The following SLC12A5 variants were observed in gnomAD, a reference collection of about 807,000 sequenced individuals.
The protein encoded by SLC12A5 is solute carrier family 12 member 5.
A neutral mutation model predicts 124.0 loss-of-function variants in SLC12A5; 18 were observed. The observed-to-expected ratio is 0.15, with a 90% CI of 0.10 to 0.22. The LOEUF (loss-of-function observed/expected upper bound fraction) is 0.22, where lower values mean the gene tolerates loss of function less well. SLC12A5 is among the 10% of genes least tolerant of loss of function. The pLI is 1.00. For synonymous variants in SLC12A5, 589 were observed against 568.0 expected (o/e 1.04, Z -0.53); for missense variants, 867 against 1,478.7 (o/e 0.59, Z 6.78).
chr20:46,030,521 A>T (rs1182197648), intron 1 of SLC12A5, among the ~76,000 whole-genome samples: 1 of 21,452 alleles, frequency 4.7e-5, no homozygotes, highest in Non-Finnish European at 9.2e-5. Flanking sequence ...AGCCACCCCC[A>T]CCCCCCACTC....
chr20:46,028,195 A>G (rs899908304), upstream of SLC12A5, among the ~76,000 whole-genome samples: 2 of 152,146 alleles, frequency 1.3e-5, no homozygotes. Flanking sequence ...AAGCCTCAGA[A>G]AGCAATCCTG....
chr20:46,057,111 G>T lies in SLC12A5; in HGVS notation c.3126-59G>T. The T allele has an allele frequency of 6.2e-7, 1 of 1,608,690 alleles. No individual in the cohort carries two copies. On this transcript the variant is annotated intron_variant, in intron 24 of 25. Coordinates refer to ENST00000243964, the MANE Select transcript of SLC12A5 (RefSeq NM_020708.5). This position sits in a 1 kb window ranked among gnomAD's most constrained non-coding sequence, Gnocchi z 7.1. ...CCAGTTCGGGCTGGAAGGGCGACTG[G>T]CTCCAATCTTCTCTACCCCCCCGGC... is the stretch of plus-strand genomic sequence containing the variant.
chr20:46,033,849 T>C (rs1470229588), intron 1 of SLC12A5, among the ~76,000 whole-genome samples: 2 of 152,214 alleles, frequency 1.3e-5, no homozygotes, highest in African/African-American at 2.4e-5. Flanking sequence ...AGGCACATCA[T>C]CAGCCCTTAC....
upstream of SLC12A5, among the ~76,000 whole-genome samples, chr20:46,024,803 G>C (rs2084383137): frequency 6.6e-6 from 1 of 152,248 alleles, no homozygotes; most frequent in Non-Finnish European, 1.5e-5. Context: ...ATGGGAGATT[G>C]ATGGTGACTT....
At chr20:46,047,039 C>A (rs1004237480) in intron 14 of SLC12A5, among the ~76,000 whole-genome samples, 1 of 152,234 alleles carries the variant, frequency 6.6e-6, no homozygotes, top group Non-Finnish European at 1.5e-5. Flanking sequence ...GGTCCCCCAG[C>A]AAGACTGTGA....
chr20:46,045,232 T>C lies in SLC12A5; in HGVS notation c.1569+92T>C. The stretch of plus-strand genomic sequence containing the variant: ...CAGTGACCCAGGGCCATAACCAGCC[T>C]TAGACTACCTCCTGGGCCACTTCTG... On this transcript the variant is annotated intron_variant, in intron 12 of 25. Coordinates refer to ENST00000243964, the MANE Select transcript of SLC12A5 (RefSeq NM_020708.5). The surrounding 1 kb of genome is among the most constrained non-coding windows in gnomAD (Gnocchi z 4.9). 7.1e-7 allele frequency: 1 copy of C among 1,405,394 alleles called. No homozygotes were observed. Among genetic ancestry groups the C allele is most frequent in the Non-Finnish European group, 9.5e-7 (1 of 1,056,544 alleles). 87.1% of individuals were successfully genotyped at this position (1,405,394 alleles called of 1,614,324 possible).
chr20:46,031,919 T>A (rs1382269978), intron 1 of SLC12A5, among the ~76,000 whole-genome samples: 1 of 152,220 alleles, frequency 6.6e-6, no homozygotes, highest in Non-Finnish European at 1.5e-5. Flanking sequence ...TCTGGTCCTT[T>A]GAGAACTCGG....
intron 1 of SLC12A5, 29 bp downstream of exon 1, chr20:46,029,425 A>T: frequency 1.4e-6 from 2 of 1,449,782 alleles, no homozygotes; most frequent in Non-Finnish European, 1.9e-6. Flanking sequence ...GCGGCGGGGG[A>T]GGGGGCAGCG....
At chr20:46,037,140 A>G (rs1170801701) in intron 5 of SLC12A5, 115 bp from the exon 6 acceptor site, 14 of 1,437,724 alleles carry the variant, frequency 9.7e-6, no homozygotes. Flanking sequence ...GCTGCAGCCC[A>G]TAAGCCTGTG....
rs528082316 is a variant in SLC12A5 at position 46,057,005 on chromosome 20, C to T, written c.3125+94C>T. The T allele has an allele frequency of 2.5e-6, 4 of 1,595,934 alleles. No individual in the cohort carries two copies. The South Asian group carries it at 3.3e-5, about 13-fold the overall frequency. ...TGTGAACCCCTAATTGGTGCCACGA[C>T]CTCTGGGATCTCTGAATAGCCTAGC... On this transcript the variant is annotated intron_variant, in intron 24 of 25. Coordinates refer to ENST00000243964, the MANE Select transcript of SLC12A5 (RefSeq NM_020708.5). The surrounding 1 kb of genome is among the most constrained non-coding windows in gnomAD (Gnocchi z 7.1).
Position 46,039,874 on chromosome 20 carries a change from G to A in SLC12A5, c.613-499G>A, listed in dbSNP as rs2084531120. 1.3e-5 allele frequency among the ~76,000 whole-genome samples: 2 copies of A among 151,948 alleles called. 1 individual carries two copies. The highest frequency in any genetic ancestry group is 4.8e-5 in the African/African-American group (2 of 41,392). On this transcript the variant is annotated intron_variant, in intron 6 of 25. Coordinates refer to ENST00000243964, the MANE Select transcript of SLC12A5 (RefSeq NM_020708.5). ...TTTTAATAGCTCCATAGTCTGTGGG[G>A]ATATCATGATTTATTCACCCAACCT...
At position 46,045,742 on chromosome 20, in the gene SLC12A5, G is replaced by A. The variant is rs995921423; in HGVS notation, c.1570-136G>A. 3.0e-6 allele frequency: 2 copies of A among 675,972 alleles called. No individual in the cohort carries two copies. The highest frequency in any genetic ancestry group is 5.1e-6 in the Non-Finnish European group (2 of 395,984). 41.9% of individuals were successfully genotyped at this position (675,972 alleles called of 1,614,324 possible). On this transcript the variant is annotated intron_variant, in intron 12 of 25. Transcript: ENST00000243964. This position sits in a 1 kb window ranked among gnomAD's most constrained non-coding sequence, Gnocchi z 4.9. ...GTTATCCATTTGCATTCTCCTGGAG[G>A]AAGAGAAATGCATCCTCTCCCTTCC...
intron 17 of SLC12A5, among the ~76,000 whole-genome samples, chr20:46,050,583 C>T (rs752997467): frequency 6.6e-5 from 10 of 152,164 alleles, no homozygotes; most frequent in South Asian, 2.1e-4. Flanking sequence ...TTGCGACAGT[C>T]GCTGCTTCTG....
chr20:46,021,864 C>T (rs2084357973), exon 1 of SLC12A5: 1 of 1,530,820 alleles, frequency 6.5e-7, no homozygotes. Flanking sequence ...ACCCCCGCCA[C>T]CTCCCGGGGG....
intron 20 of SLC12A5, 34 bp from the exon 21 acceptor site, chr20:46,054,882 C>A: frequency 6.5e-7 from 1 of 1,537,664 alleles, no homozygotes; most frequent in Non-Finnish European, 9.0e-7. Flanking sequence ...GTTCCTCTCC[C>A]CACCCCCCAA....
At chr20:46,028,985 T>A (rs954334379), upstream of SLC12A5, 4 of 367,888 alleles carry the variant, frequency 1.1e-5, no homozygotes, top group African/African-American at 8.7e-5. Context: ...AAGCACCCCC[T>A]TCATCCCACC....
At chr20:46,052,415 T>C (rs1363446092) in intron 18 of SLC12A5, among the ~76,000 whole-genome samples, 1 of 152,238 alleles carries the variant, frequency 6.6e-6, no homozygotes, top group African/African-American at 2.4e-5. Context: ...AGAAGTTTGC[T>C]CCAGCTGGGT....
At chr20:46,024,809 G>C (rs1402078261), upstream of SLC12A5, among the ~76,000 whole-genome samples, 1 of 152,240 alleles carries the variant, frequency 6.6e-6, no homozygotes, top group Admixed American at 6.5e-5. Flanking sequence ...GATTGATGGT[G>C]ACTTGGATGA....
intron 11 of SLC12A5, 114 bp from the exon 12 acceptor site, chr20:46,044,852 A>T: frequency 8.4e-7 from 1 of 1,188,546 alleles, no homozygotes; most frequent in Non-Finnish European, 1.2e-6. Context: ...TGTCACCCTT[A>T]CAGAACTTAG....
Sources: gnomAD v4.1 joint callset for allele counts (sites outside exome capture counted in the v4.1 genomes callset) on GRCh38, gnomAD v4.1.1 for gene constraint, Gnocchi (gnomAD v3.1) non-coding constraint, MANE v1.5 for transcripts, NCBI Gene and HGNC (gene_info 2026-07-23, HGNC 2026-07-21) for gene names.